AURKC: variants seen among roughly 807,000 people sequenced by gnomAD.
AURKC encodes the protein ARK-3.
AURKC carries 15 observed loss-of-function variants against 29.2 expected under a neutral mutation model. That is an observed-to-expected ratio of 0.51 (90% CI 0.34 to 0.79). AURKC has a LOEUF of 0.79. Among genes scored for constraint, AURKC ranks in the 30% least tolerant of loss-of-function variants. AURKC has a pLI of 0.01. For synonymous variants in AURKC, 150 were observed against 149.9 expected, an observed-to-expected ratio of 1.00 and a Z score of -0.01; for missense variants, 332 against 383.2, an observed-to-expected ratio of 0.87 and a Z score of 1.12.
At chr19:57,231,585 T>G in intron 1 of AURKC, 157 bp from the exon 2 acceptor site, 1 of 548,222 alleles carries the variant, frequency 1.8e-6, no homozygotes, top group Non-Finnish European at 3.2e-6. Context: ...CCTCCCCCTC[T>G]CCCTGCCTTC....
At chr19:57,234,136 C>A (rs2087523220) in intron 5 of AURKC, among the ~76,000 whole-genome samples, 1 of 147,726 alleles carries the variant, frequency 6.8e-6, no homozygotes, top group African/African-American at 2.5e-5. Flanking sequence ...CGGCTCACTG[C>A]AACCTCCCCC....
At position 57,231,076 on chromosome 19, in the gene AURKC, C is replaced by G. The variant is rs777031811; in HGVS notation, c.-173C>G. ...GCCGCGCAGCCACGGCTGCTCACGA[C>G]GCCGCGGATCCCGAAGCCTGTGTAG... is the stretch of plus-strand genomic sequence containing the variant. On this transcript the variant is annotated 5_prime_UTR_variant, in exon 1 of 7. Coordinates refer to ENST00000302804, the MANE Select transcript of AURKC (RefSeq NM_001015878.2). The G allele has an allele frequency of 6.8e-7, 1 of 1,464,486 alleles. No homozygotes were observed. The highest frequency in any genetic ancestry group is 9.4e-7 in the Non-Finnish European group (1 of 1,066,806). 90.7% of individuals were successfully genotyped at this position (1,464,486 alleles called of 1,614,324 possible).
chr19:57,231,438 T>A, intron 1 of AURKC, 132 bp downstream of exon 1: 2 of 976,588 alleles, frequency 2.0e-6, no homozygotes, highest in Non-Finnish European at 3.1e-6. Flanking sequence ...TTCTCCCCAC[T>A]CCCTCCCTTC....
intron 2 of AURKC, 91 bp from the exon 3 acceptor site, chr19:57,231,942 A>G (rs757025937): frequency 1.9e-5 from 30 of 1,603,076 alleles, no homozygotes; most frequent in Non-Finnish European, 2.3e-5. Flanking sequence ...GAAGGATACA[A>G]TGAAAGAGGA....
chr19:57,234,026 C>G (rs913926937), intron 5 of AURKC, among the ~76,000 whole-genome samples: 1 of 149,872 alleles, frequency 6.7e-6, no homozygotes, highest in Non-Finnish European at 1.5e-5. Context: ...GCCACCATGC[C>G]TGGCTGAACT....
rs746620969 is a variant in AURKC, at chr19:57,231,130, G to T, written c.-119G>T. The T allele has an allele frequency of 3.0e-5, 2 of 66,016 alleles. No homozygotes were observed. Among genetic ancestry groups the T allele is most frequent in the African/African-American group, 1.6e-4 (2 of 12,122 alleles). The allele number at this position is 66,016 out of a possible 1,614,324, so 4.1% of individuals were successfully genotyped here. On this transcript the variant is annotated 5_prime_UTR_variant, in exon 1 of 7. Transcript: ENST00000302804. ...TGAGACATCAGTGAGGCTGCAGGAC[G>T]AGCAGGATTGGAAGCGCCCCGGCCA...
rs755849879 is a variant in AURKC at position 57,233,582 on chromosome 19, C to G, written c.558C>G (p.Gly186=). ...GTGAGGTGAAGATTGCAGATTTTGG[C>G]TGGTCTGTGCACACCCCCTCCCTGA... The part of the protein sequence containing the change: ...FRGEVKIADF[G]WSVHTPSLRR... Residue 186 remains glycine (G), a synonymous_variant, in exon 5 of 7, where the codon GGC becomes GGG. Transcript: ENST00000302804. 2.6e-5 allele frequency: 42 copies of G among 1,613,948 alleles called. No homozygotes were observed. In the Middle Eastern group the frequency reaches 5.1e-4, roughly 19 times the overall value.
Position 57,231,224 on chromosome 19 carries a change from G to T in AURKC, c.-25G>T, listed in dbSNP as rs1307015960. On this transcript the variant is annotated 5_prime_UTR_variant, in exon 1 of 7. Transcript: ENST00000302804. ...AGCCATCCAGAGGGTTCAGGAAGGC[G>T]TCCGCGCCCTCACCTCTTCTCCCCA... The T allele has an allele frequency of 1.9e-6, 3 of 1,551,542 alleles. No individual in the cohort carries two copies. The African/African-American group carries it at 4.1e-5, about 21-fold the overall frequency.
chr19:57,231,757 A>T lies in AURKC; in HGVS notation c.74A>T (p.Gln25Leu), dbSNP rs1568483618. The T allele has an allele frequency of 6.2e-7, 1 of 1,613,784 alleles. No homozygotes were observed. The highest frequency in any genetic ancestry group is 8.5e-7 in the Non-Finnish European group (1 of 1,179,950). Residue 25 changes from glutamine to leucine, a missense_variant, in exon 2 of 7, where the codon CAA becomes CTA. By Grantham distance (113) the Gln-to-Leu change is moderately radical. Transcript: ENST00000302804. ...PAGEELATANQTAQQPSSPAM... is the reference protein window; with the variant it reads ...PAGEELATANLTAQQPSSPAM... ...TCTCTTTCAGTGGCTACAGCAAACC[A>T]AACAGCCCAGCAGCCCAGCAGCCCA...
At chr19:57,234,310 C>A (rs1369450633) in intron 5 of AURKC, among the ~76,000 whole-genome samples, 3 of 152,176 alleles carry the variant, frequency 2.0e-5, no homozygotes, top group Non-Finnish European at 4.4e-5. Context: ...CCTGCCTCGG[C>A]CTCCCAAAGT....
rs1459445379 is a variant in AURKC, at chr19:57,232,220, C to G, written c.292C>G (p.Leu98Val). The change falls in exon 3 of 7, where the codon CTA becomes GTA. Residue 98 changes from leucine (L) to valine (V), a missense_variant. Physicochemically the swap from Leu to Val is conservative, Grantham distance 32. Coordinates refer to ENST00000302804, the MANE Select transcript of AURKC (RefSeq NM_001015878.2). The surrounding 1 kb of genome is among the most constrained non-coding windows in gnomAD (Gnocchi z 4.5). ...CCGGGAAATTGAGATCCAGGCTCAT[C>G]TACAGTAAGGACAGTCTCTGCTTCC... is the stretch of plus-strand genomic sequence containing the variant. The part of the protein sequence containing the change: ...LRREIEIQAH[L>V]QHPNILRLYN... The G allele has an allele frequency of 1.2e-6, 2 of 1,613,862 alleles. No homozygotes were observed. The highest frequency in any genetic ancestry group is 2.2e-5 in the South Asian group (2 of 91,060).
In AURKC at chr19:57,233,596, C is replaced by T. The variant is rs753676680; in HGVS notation, c.572C>T (p.Thr191Ile). 1 of 1,613,792 alleles carries T rather than the reference C, an allele frequency of 6.2e-7. No individual in the cohort carries two copies. The highest frequency in any genetic ancestry group is 1.7e-5 in the Admixed American group (1 of 60,014). The part of the protein sequence containing the change: ...KIADFGWSVH[T>I]PSLRRKTMCG... The stretch of plus-strand genomic sequence containing the variant: ...GCAGATTTTGGCTGGTCTGTGCACA[C>T]CCCCTCCCTGAGGTAGGTCAGGTGG... Residue 191 changes from threonine (T) to isoleucine (I), a missense_variant, in exon 5 of 7, where the codon ACC becomes ATC. Coordinates refer to ENST00000302804, the MANE Select transcript of AURKC (RefSeq NM_001015878.2).
chr19:57,231,591 C>A (rs993622288), intron 1 of AURKC, 151 bp from the exon 2 acceptor site: 3 of 836,090 alleles, frequency 3.6e-6, no homozygotes, highest in African/African-American at 3.5e-5. Flanking sequence ...CCTCTCCCTG[C>A]CTTCCCCTTC....
intron 6 of AURKC, 65 bp downstream of exon 6, chr19:57,235,123 A>G (rs1308312145): frequency 6.8e-6 from 10 of 1,481,406 alleles, no homozygotes; most frequent in Non-Finnish European, 9.3e-6. Flanking sequence ...GGCTGTGGGC[A>G]CACACACACA....
intron 4 of AURKC, among the ~76,000 whole-genome samples, chr19:57,233,222 G>A (rs1438152429): frequency 6.6e-6 from 1 of 152,180 alleles, no homozygotes; most frequent in Non-Finnish European, 1.5e-5. Context: ...GCTACTTGCT[G>A]TGCTAGGACA....
Position 57,231,026 on chromosome 19 carries a change from C to A in AURKC, c.-223C>A, listed in dbSNP as rs901083202. 1 of 1,031,206 alleles carries A rather than the reference C, an allele frequency of 9.7e-7. No homozygotes were observed. Among genetic ancestry groups the A allele is most frequent in the Non-Finnish European group, 1.5e-6 (1 of 675,712 alleles). The allele number at this position is 1,031,206 out of a possible 1,614,324, so 63.9% of individuals were successfully genotyped here. On this transcript the variant is annotated 5_prime_UTR_variant, in exon 1 of 7. Coordinates refer to ENST00000302804, the MANE Select transcript of AURKC (RefSeq NM_001015878.2). The stretch of plus-strand genomic sequence containing the variant: ...GCCAGCCAGGAAGTACCTCTCTGAG[C>A]GGTTGGTGCCGGGTATAAAAGAAGG...
In AURKC at chr19:57,231,733, C is replaced by G. The variant is rs1239524682; in HGVS notation, c.59-9C>G. ...CCCTTCCTATCTCCCTCCTCCTCCT[C>G]TCTTTCAGTGGCTACAGCAAACCAA... On this transcript the variant is annotated splice_polypyrimidine_tract_variant and intron_variant, in intron 1 of 6. Transcript: ENST00000302804. 5 of 1,613,954 alleles carry G rather than the reference C, an allele frequency of 3.1e-6. No homozygotes were observed. Among genetic ancestry groups the G allele is most frequent in the South Asian group, 2.2e-5 (2 of 91,074 alleles).
At position 57,232,785 on chromosome 19, in the gene AURKC, T is replaced by A; in HGVS notation, c.435+105T>A. 2 of 1,418,598 alleles carry A rather than the reference T, an allele frequency of 1.4e-6. No individual in the cohort carries two copies. Among genetic ancestry groups the A allele is most frequent in the Non-Finnish European group, 2.0e-6 (2 of 1,013,438 alleles). 87.9% of individuals were successfully genotyped at this position (1,418,598 alleles called of 1,614,324 possible). A position where few individuals can be genotyped will look rare whatever the true frequency, so the allele number is the denominator to read the frequency against. ...GGTCCGCATTGCCTTCTGAGAAGTT[T>A]ACTTCTGAATGTTATTGTGTAAATT... On this transcript the variant is annotated intron_variant, in intron 4 of 6. Coordinates refer to ENST00000302804, the MANE Select transcript of AURKC (RefSeq NM_001015878.2). This position sits in a 1 kb window ranked among gnomAD's most constrained non-coding sequence, Gnocchi z 4.5.
At chr19:57,233,883 C>T (rs1341870901) in intron 5 of AURKC, among the ~76,000 whole-genome samples, 2 of 151,872 alleles carry the variant, frequency 1.3e-5, no homozygotes, top group African/African-American at 4.8e-5. Context: ...AGGCATGTGC[C>T]ACCACACTCG....
Sources: allele counts gnomAD v4.1 joint callset (sites outside exome capture counted in the v4.1 genomes callset), GRCh38; gene constraint gnomAD v4.1.1; non-coding constraint Gnocchi (gnomAD v3.1); transcripts MANE v1.5; gene names NCBI Gene and HGNC (gene_info 2026-07-23, HGNC 2026-07-21).